Variants in ANKRD12 observed in about 807,000 individuals in gnomAD.
The protein encoded by ANKRD12 is ankyrin repeat domain 12.
ANKRD12 carries 85 observed loss-of-function variants against 183.4 expected under a neutral mutation model. The observed-to-expected ratio is 0.46, with a 90% CI of 0.39 to 0.56. The LOEUF is 0.56. Ranked by LOEUF, ANKRD12 falls within the 20% of genes least tolerant of loss-of-function variation. ANKRD12 has a pLI of 0.00. For synonymous variants in ANKRD12, 914 were observed against 800.2 expected, an observed-to-expected ratio of 1.14 and a Z score of -2.40; for missense variants, 2,405 against 2,357.1, an observed-to-expected ratio of 1.02 and a Z score of -0.42.
At chr18:9,231,777 A>G (rs978111256) in intron 8 of ANKRD12, among the ~76,000 whole-genome samples, 10 of 145,778 alleles carry the variant, frequency 6.9e-5, no homozygotes, top group Non-Finnish European at 1.3e-4. Context: ...GGGGGCTGAG[A>G]TCATGCCACT....
intron 1 of ANKRD12, among the ~76,000 whole-genome samples, chr18:9,181,014 G>C (rs1442914978): frequency 1.3e-5 from 2 of 152,128 alleles, no homozygotes; most frequent in African/African-American, 4.8e-5. Context: ...AGCTTTACCA[G>C]TGGCTAGCTT....
At chr18:9,229,729 T>C (rs938600162) in intron 8 of ANKRD12, among the ~76,000 whole-genome samples, 1 of 152,208 alleles carries the variant, frequency 6.6e-6, no homozygotes, top group East Asian at 1.9e-4. Context: ...GAAATTATTA[T>C]ATGGTTTTTG....
intron 1 of ANKRD12, among the ~76,000 whole-genome samples, chr18:9,170,145 A>G (rs914529917): frequency 6.6e-6 from 1 of 151,924 alleles, no homozygotes; most frequent in African/African-American, 2.4e-5. Context: ...TGCCCTTAAC[A>G]TTTTTTCCTT....
chr18:9,268,102 G>A (rs1293268757), intron 10 of ANKRD12, among the ~76,000 whole-genome samples: 1 of 152,070 alleles, frequency 6.6e-6, no homozygotes, highest in Non-Finnish European at 1.5e-5. Context: ...CCAATAACAG[G>A]CTCTGAAATT....
intron 11 of ANKRD12, among the ~76,000 whole-genome samples, chr18:9,279,303 T>G (rs1198207886): frequency 1.3e-5 from 2 of 152,206 alleles, no homozygotes; most frequent in African/African-American, 4.8e-5. Context: ...TGTCTTTGAC[T>G]TAGAGCAATA....
rs779897510 is a variant in ANKRD12, at chr18:9,255,728, A to G, written c.2461A>G (p.Lys821Glu). The change falls in exon 9 of 13, where the codon AAA becomes GAA. Residue 821 changes from lysine (K) to glutamate (E), a missense_variant. Physicochemically the swap from Lys to Glu is moderately conservative, Grantham distance 56. Coordinates refer to ENST00000262126, the MANE Select transcript of ANKRD12 (RefSeq NM_015208.5). ...QEKHIKESKE[K>E]PEKRSQIKEK... ...AAAGCATATAAAGGAAAGTAAAGAA[A>G]AACCTGAGAAGCGATCTCAAATTAA... The G allele has an allele frequency of 6.3e-7, 1 of 1,594,398 alleles. No homozygotes were observed. The highest frequency in any genetic ancestry group is 8.5e-7 in the Non-Finnish European group (1 of 1,175,066).
At chr18:9,170,740 G>A (rs575509527) in intron 1 of ANKRD12, among the ~76,000 whole-genome samples, 2 of 152,184 alleles carry the variant, frequency 1.3e-5, no homozygotes, top group East Asian at 3.9e-4. Context: ...TTGTTCCATT[G>A]CTGGTGAGGA....
rs1167563404 is a variant in ANKRD12, at chr18:9,257,767, A to C, written c.4500A>C (p.Ser1500=). The C allele has an allele frequency of 2.5e-6, 4 of 1,613,926 alleles. No individual in the cohort carries two copies. Among genetic ancestry groups the C allele is most frequent in the Non-Finnish European group, 3.4e-6 (4 of 1,180,006 alleles). Residue 1500 remains serine (S), a synonymous_variant, in exon 9 of 13, where the codon TCA becomes TCC. Transcript: ENST00000262126. ...QPCSFPSQSL[S]DAESISKHMS... Reference sequence around the variant, plus strand: ...GCTCTTTCCCCAGCCAATCACTTTCAGATGCTGAATCGATTTCTAAACATA... The same window carrying C: ...GCTCTTTCCCCAGCCAATCACTTTCCGATGCTGAATCGATTTCTAAACATA...
intron 10 of ANKRD12, among the ~76,000 whole-genome samples, chr18:9,274,956 G>A (rs2039762287): frequency 6.6e-6 from 1 of 152,136 alleles, no homozygotes; most frequent in Admixed American, 6.6e-5. Context: ...GCCGAGAGGG[G>A]AGGATCTCTT....
Position 9,257,749 on chromosome 18 carries a change from C to G in ANKRD12, c.4482C>G (p.Phe1494Leu), listed in dbSNP as rs1442666248. ...SFMPPQQPCSFPSQSLSDAES... is the reference protein window; with the variant it reads ...SFMPPQQPCSLPSQSLSDAES... ...TGCCTCCACAGCAGCCTTGCTCTTT[C>G]CCCAGCCAATCACTTTCAGATGCTG... Residue 1494 changes from phenylalanine (F) to leucine (L), a missense_variant, in exon 9 of 13, where the codon TTC becomes TTG. Transcript: ENST00000262126. The G allele has an allele frequency of 4.3e-6, 7 of 1,614,040 alleles. 1 individual carries two copies. Among genetic ancestry groups the G allele is most frequent in the East Asian group, 4.5e-5 (2 of 44,888 alleles).
At chr18:9,159,441 T>C (rs1598414947) in intron 1 of ANKRD12, among the ~76,000 whole-genome samples, 1 of 152,214 alleles carries the variant, frequency 6.6e-6, no homozygotes. Context: ...TTTTTTATTT[T>C]CATTTTTTGA....
intron 1 of ANKRD12, among the ~76,000 whole-genome samples, chr18:9,138,085 T>TA (rs1447924919): frequency 2.6e-5 from 4 of 152,262 alleles, no homozygotes; most frequent in African/African-American, 9.6e-5. Context: ...GGTTCGGAAT[T>TA]ACCTCTAATC....
intron 9 of ANKRD12, 49 bp downstream of exon 9, chr18:9,258,980 A>G (rs1462603263): frequency 9.9e-6 from 15 of 1,518,528 alleles, no homozygotes; most frequent in African/African-American, 1.4e-5. Flanking sequence ...GCCCAATAGA[A>G]GTATAATGCT....
At chr18:9,176,843 A>G (rs2033310997) in intron 1 of ANKRD12, among the ~76,000 whole-genome samples, 1 of 152,144 alleles carries the variant, frequency 6.6e-6, no homozygotes, top group Non-Finnish European at 1.5e-5. Flanking sequence ...AAAAAAAAAG[A>G]CACCAAGAGA....
Position 9,255,088 on chromosome 18 carries a change from A to C in ANKRD12, c.1821A>C (p.Lys607Asn), listed in dbSNP as rs934724085. 2 of 1,579,882 alleles carry C rather than the reference A, an allele frequency of 1.3e-6. No individual in the cohort carries two copies. The highest frequency in any genetic ancestry group is 1.7e-6 in the Non-Finnish European group (2 of 1,169,290). Residue 607 changes from lysine to asparagine, a missense_variant, in exon 9 of 13, where the codon AAA becomes AAC. This residue lies in a region of ANKRD12 where 1,983 missense variants were observed against 1,725.9 expected (regional missense o/e 1.15). Transcript: ENST00000262126. ...VKSCKHKEKS[K>N]HQKDFHLEFG... ...CTTGTAAGCATAAGGAAAAAAGCAA[A>C]CATCAGAAAGATTTCCACTTAGAAT...
intron 4 of ANKRD12, among the ~76,000 whole-genome samples, chr18:9,205,092 C>T (rs2035404270): frequency 6.6e-6 from 1 of 152,092 alleles, no homozygotes; most frequent in African/African-American, 2.4e-5. Flanking sequence ...TAGAGAAATG[C>T]CATTACCACT....
At chr18:9,252,698 C>G (rs1320355225) in intron 8 of ANKRD12, among the ~76,000 whole-genome samples, 1 of 152,164 alleles carries the variant, frequency 6.6e-6, no homozygotes, top group Non-Finnish European at 1.5e-5. Context: ...GGTACAGTGG[C>G]TCGTGCCTGT....
chr18:9,248,485 G>A (rs1483243529), intron 8 of ANKRD12, among the ~76,000 whole-genome samples: 1 of 152,054 alleles, frequency 6.6e-6, no homozygotes, highest in African/African-American at 2.4e-5. Context: ...ATTTTCCTCT[G>A]CTTCACAATT....
At chr18:9,144,178 T>C (rs2078415981) in intron 1 of ANKRD12, among the ~76,000 whole-genome samples, 1 of 152,160 alleles carries the variant, frequency 6.6e-6, no homozygotes, top group Admixed American at 6.5e-5. Flanking sequence ...TAGCAATCAA[T>C]AATTTAAATA....
Sources: gnomAD v4.1 joint callset for allele counts (sites outside exome capture counted in the v4.1 genomes callset) on GRCh38, gnomAD v4.1.1 for gene constraint, gnomAD v4.1.1 regional missense constraint, MANE v1.5 for transcripts, NCBI Gene and HGNC (gene_info 2026-07-23, HGNC 2026-07-21) for gene names.